Variants in SPATA13 observed in about 807,000 individuals in gnomAD.
SPATA13 encodes spermatogenesis associated 13, also known as spermatogenesis-associated protein 13.
A neutral mutation model predicts 104.0 loss-of-function variants in SPATA13; 50 were observed. That is an observed-to-expected ratio of 0.48 (90% CI 0.38 to 0.61). The LOEUF is 0.61. Among genes scored for constraint, SPATA13 ranks in the 20% least tolerant of loss-of-function variants. SPATA13 has a pLI of 0.00. For missense variants in SPATA13, 1,524 were observed against 1,690.6 expected, an observed-to-expected ratio of 0.90 and a Z score of 1.73; for synonymous variants, 606 against 667.5, an observed-to-expected ratio of 0.91 and a Z score of 1.42.
At chr13:24,126,935 G>A (rs531698756) in intron 3 of SPATA13, among the ~76,000 whole-genome samples, 8 of 152,210 alleles carry the variant, frequency 5.3e-5, no homozygotes, top group African/African-American at 1.9e-4. Context: ...GATCATAATG[G>A]GAAGACTGGA....
At chr13:24,099,487 G>A (rs1414608039) in intron 3 of SPATA13, among the ~76,000 whole-genome samples, 5 of 152,252 alleles carry the variant, frequency 3.3e-5, no homozygotes, top group Admixed American at 3.3e-4. Flanking sequence ...GTGGGGCAGT[G>A]CAGACATGGG....
At chr13:24,138,776 G>A (rs1031670250) in intron 3 of SPATA13, among the ~76,000 whole-genome samples, 1 of 118,570 alleles carries the variant, frequency 8.4e-6, no homozygotes, top group Non-Finnish European at 1.7e-5. Context: ...TTTTTTTTTA[G>A]AGATGGGCTC....
intron 3 of SPATA13, among the ~76,000 whole-genome samples, chr13:24,044,905 AG>A (rs200761258): frequency 0.011 from 1,210 of 109,058 alleles, 28 homozygotes; most frequent in African/African-American, 0.033. Context: ...GGGTGGGGGT[AG>A]GCAGAGTGAA....
chr13:24,201,324 C>A (rs770633927), intron 1 of SPATA13, among the ~76,000 whole-genome samples: 43 of 151,918 alleles, frequency 2.8e-4, no homozygotes, highest in Non-Finnish European at 5.3e-4. Context: ...AAAAACTACC[C>A]CCTCTCCCCT....
chr13:24,124,556 A>G (rs111916470), intron 3 of SPATA13, among the ~76,000 whole-genome samples: 1 of 152,222 alleles, frequency 6.6e-6, no homozygotes. Flanking sequence ...TGAGAATGGC[A>G]GTCCTGGAGG....
intron 1 of SPATA13, among the ~76,000 whole-genome samples, chr13:24,196,926 G>A (rs141072437): frequency 6.6e-6 from 1 of 152,178 alleles, no homozygotes; most frequent in African/African-American, 2.4e-5. Context: ...TTGAAGAGGA[G>A]AAAGAGATGA....
intron 12 of SPATA13, 71 bp downstream of exon 12, chr13:24,300,546 A>G (rs1297824955): frequency 7.0e-7 from 1 of 1,430,000 alleles, no homozygotes; most frequent in Non-Finnish European, 9.8e-7. Flanking sequence ...GCATACCCCA[A>G]GTTGTCAGCC....
chr13:24,190,293 T>A (rs61946658), intron 1 of SPATA13, among the ~76,000 whole-genome samples: 1 of 7,848 alleles, frequency 1.3e-4, no homozygotes, highest in African/African-American at 1.4e-4. Context: ...ATATATAATA[T>A]TATATATTAT....
intron 4 of SPATA13, among the ~76,000 whole-genome samples, chr13:24,281,462 C>G (rs926726298): frequency 1.1e-4 from 16 of 152,174 alleles, no homozygotes; most frequent in African/African-American, 3.9e-4. Flanking sequence ...CTCCAAGGTT[C>G]CCTGGCTGTC....
chr13:24,207,444 A>G (rs1290010604), intron 1 of SPATA13, among the ~76,000 whole-genome samples: 1 of 152,214 alleles, frequency 6.6e-6, no homozygotes, highest in Non-Finnish European at 1.5e-5. Context: ...GTATATCTCC[A>G]GAAGTGGAAT....
At chr13:24,215,036 T>C (rs1209677318) in intron 1 of SPATA13, among the ~76,000 whole-genome samples, 1 of 152,202 alleles carries the variant, frequency 6.6e-6, no homozygotes, top group African/African-American at 2.4e-5. Flanking sequence ...TGTGTGTTGG[T>C]TATGTTCGAG....
intron 4 of SPATA13, among the ~76,000 whole-genome samples, chr13:24,275,522 T>C (rs1327094904): frequency 6.6e-6 from 1 of 152,210 alleles, no homozygotes; most frequent in Non-Finnish European, 1.5e-5. Context: ...GCGGGAAGTG[T>C]TGTAGAAAGA....
At chr13:24,274,397 G>A (rs1017368754) in intron 4 of SPATA13, among the ~76,000 whole-genome samples, 1 of 152,236 alleles carries the variant, frequency 6.6e-6, no homozygotes, top group African/African-American at 2.4e-5. Flanking sequence ...CAGGGCAGGG[G>A]AGGATCTTTA....
At position 24,009,861 on chromosome 13, in the gene SPATA13, C is replaced by T. The variant is rs181230212; in HGVS notation, c.-146-7806C>T. Reference sequence around the variant, plus strand: ...TAATGAGGCATGTCTTACCTCCCTTCCATCCTGGCCTAAATAACTTTTTCA... The same window carrying T: ...TAATGAGGCATGTCTTACCTCCCTTTCATCCTGGCCTAAATAACTTTTTCA... On this transcript the variant is annotated intron_variant, in intron 2 of 14. Transcript: ENST00000424834. Among the ~76,000 whole-genome samples the T allele has an allele frequency of 7.0e-3, 1,070 of 152,278 alleles. 16 individuals are homozygous for T. The highest frequency in any genetic ancestry group is 0.024 in the African/African-American group (1,017 of 41,548).
chr13:23,987,691 C>T (rs1875218134), intron 2 of SPATA13, among the ~76,000 whole-genome samples: 1 of 152,166 alleles, frequency 6.6e-6, no homozygotes, highest in Non-Finnish European at 1.5e-5. Flanking sequence ...GCATTCAGCA[C>T]ATTCACATTA....
At chr13:24,157,608 T>C (rs898097836), upstream of SPATA13, among the ~76,000 whole-genome samples, 2 of 152,140 alleles carry the variant, frequency 1.3e-5, no homozygotes, top group Non-Finnish European at 2.9e-5. Flanking sequence ...TGGTAACTCC[T>C]TTTTCTGCAG....
chr13:24,042,052 C>T (rs980052123), intron 3 of SPATA13, among the ~76,000 whole-genome samples: 4 of 152,172 alleles, frequency 2.6e-5, no homozygotes, highest in Non-Finnish European at 4.4e-5. Flanking sequence ...CCACGTGTGT[C>T]ACATTTCAAG....
intron 3 of SPATA13, among the ~76,000 whole-genome samples, chr13:24,118,195 A>G (rs1175939529): frequency 2.0e-5 from 3 of 152,024 alleles, no homozygotes. Flanking sequence ...GGGAAAAAGC[A>G]CTCTGTGTTC....
intron 9 of SPATA13, among the ~76,000 whole-genome samples, chr13:24,294,008 G>T (rs961765361): frequency 2.0e-5 from 3 of 152,170 alleles, no homozygotes; most frequent in Non-Finnish European, 2.9e-5. Flanking sequence ...CCATGGCCCC[G>T]CATTATTAAC....
Sources: allele counts gnomAD v4.1 joint callset (sites outside exome capture counted in the v4.1 genomes callset), GRCh38; gene constraint gnomAD v4.1.1; transcripts MANE v1.5; gene names NCBI Gene and HGNC (gene_info 2026-07-23, HGNC 2026-07-21).